The following DNAH6 variants were observed in gnomAD, a reference collection of about 807,000 sequenced individuals.
DNAH6 encodes the protein dynein axonemal heavy chain 6.
Under a neutral mutation model 491.4 loss-of-function variants are expected in DNAH6, and 340 were observed. That is an observed-to-expected ratio of 0.69 (90% confidence interval 0.63 to 0.76). The LOEUF (loss-of-function observed/expected upper bound fraction) is 0.76. Ranked by LOEUF, DNAH6 falls within the 30% of genes least tolerant of loss-of-function variation. The pLI is 0.00. For synonymous variants in DNAH6, 1,603 were observed against 1,686.1 expected (o/e 0.95, Z 1.21); for missense variants, 4,443 against 4,972.2 (o/e 0.89, Z 3.20).
intron 33 of DNAH6, among the ~76,000 whole-genome samples, chr2:84,649,846 T>C (rs546452914): frequency 6.6e-6 from 1 of 152,190 alleles, no homozygotes; most frequent in African/African-American, 2.4e-5. Context: ...AAATGATGGG[T>C]TGATAGGTGC....
chr2:84,593,963 T>C lies in DNAH6; in HGVS notation c.2611-9T>C. 1.3e-6 allele frequency: 2 copies of C among 1,512,812 alleles called. No homozygotes were observed. The highest frequency in any genetic ancestry group is 1.8e-6 in the Non-Finnish European group (2 of 1,117,548). 93.7% of individuals were successfully genotyped at this position (1,512,812 alleles called of 1,614,324 possible). Reference sequence around the variant, plus strand: ...TAAATTACGCATTTTGTTTACTACATTTTTAAAGGTAGAAGTGTCCAAGTT... The same window carrying C: ...TAAATTACGCATTTTGTTTACTACACTTTTAAAGGTAGAAGTGTCCAAGTT... On this transcript the variant is annotated splice_polypyrimidine_tract_variant and intron_variant, in intron 16 of 76. Transcript: ENST00000389394.
Position 84,539,219 on chromosome 2 carries a change from A to C in DNAH6, c.663-5014A>C, listed in dbSNP as rs187232908. Among the ~76,000 whole-genome samples, 292 of 152,188 alleles carry C rather than the reference A, an allele frequency of 1.9e-3. 2 individuals carry two copies. The highest frequency in any genetic ancestry group is 6.7e-3 in the African/African-American group (277 of 41,530). ...TCTGGTTAATCAAACCAGAAATAAA[A>C]CAAGCATTTCTCTTCCCTGGTTTAC... On this transcript the variant is annotated intron_variant, in intron 4 of 76. Transcript: ENST00000389394.
chr2:84,543,091 G>A (rs554521381), intron 4 of DNAH6, among the ~76,000 whole-genome samples: 9 of 152,234 alleles, frequency 5.9e-5, no homozygotes, highest in South Asian at 2.1e-4. Flanking sequence ...CCCGGGAGGC[G>A]GAGGTTGCAG....
At chr2:84,557,638 CAG>C (rs1192019266) in intron 10 of DNAH6, 95 bp from the exon 11 acceptor site, 1 of 235,334 alleles carries the variant, frequency 4.2e-6, no homozygotes, top group Admixed American at 1.4e-4. Flanking sequence ...GCCTGGGCGA[CAG>C]AGCGAGACTC....
chr2:84,621,542 A>T lies in DNAH6; in HGVS notation c.4062A>T (p.Val1354=). ...AGGCCCTGAAGAATTTTGAAAAAGT[A>T]AATTTTGAGGTGAGATCTGTAACAA... ...HIQALKNFEK[V]NFERLNALAA... is the part of the protein sequence containing the mutation. The change falls in exon 26 of 77, where the codon GTA becomes GTT. Residue 1354 remains valine (V), a synonymous_variant. Coordinates refer to ENST00000389394, the MANE Select transcript of DNAH6 (RefSeq NM_001370.2). 1 of 1,518,178 alleles carries T rather than the reference A, an allele frequency of 6.6e-7. No homozygotes were observed. Among genetic ancestry groups the T allele is most frequent in the Non-Finnish European group, 8.9e-7 (1 of 1,121,002 alleles). 94.0% of individuals were successfully genotyped at this position (1,518,178 alleles called of 1,614,324 possible). A position where few individuals can be genotyped will look rare whatever the true frequency, so the allele number is the denominator to read the frequency against.
Position 84,547,561 on chromosome 2 carries a change from T to C in DNAH6, c.1135T>C (p.Leu379=). The C allele has an allele frequency of 6.4e-7, 1 of 1,551,910 alleles. No individual in the cohort carries two copies. The highest frequency in any genetic ancestry group is 8.7e-7 in the Non-Finnish European group (1 of 1,147,006). Residue 379 remains leucine, a synonymous_variant, in exon 7 of 77, where the codon TTG becomes CTG. Transcript: ENST00000389394. The part of the protein sequence containing the change: ...YVVRRACRFA[L]RAAGFVPDDC... ...AGTCAGGAGGGCTTGTCGATTTGCT[T>C]TGCGTGCTGCAGGATTTGTTCCTGA...
At chr2:84,768,716 T>A (rs1432534676) in intron 64 of DNAH6, among the ~76,000 whole-genome samples, 1 of 152,196 alleles carries the variant, frequency 6.6e-6, no homozygotes, top group Non-Finnish European at 1.5e-5. Context: ...GCCATATTTA[T>A]TAAGTGGAAG....
chr2:84,708,610 GGAAA>G (rs935173253), intron 54 of DNAH6, among the ~76,000 whole-genome samples: 1 of 148,606 alleles, frequency 6.7e-6, no homozygotes, highest in Non-Finnish European at 1.5e-5. Context: ...AAGGAAGGAA[GGAAA>G]GAGAGGGAGA....
chr2:84,619,621 T>G (rs1687209084), intron 23 of DNAH6, 64 bp from the exon 24 acceptor site: 9 of 1,424,966 alleles, frequency 6.3e-6, no homozygotes, highest in Non-Finnish European at 8.7e-6. Flanking sequence ...GAATTTATCT[T>G]TTATGTCTGT....
At chr2:84,663,961 C>T (rs2222733) in intron 37 of DNAH6, among the ~76,000 whole-genome samples, 8 of 152,056 alleles carry the variant, frequency 5.3e-5, no homozygotes, top group Non-Finnish European at 8.8e-5. Context: ...TTAAAGAAAG[C>T]AATTTTCAAC....
chr2:84,778,112 C>T (rs544857223), intron 64 of DNAH6: 168 of 791,066 alleles, frequency 2.1e-4, no homozygotes, highest in Non-Finnish European at 3.6e-4. Flanking sequence ...TCAGTTGTGG[C>T]ATGGCACAGG....
Position 84,782,052 on chromosome 2 carries a change from C to T in DNAH6, c.10864+399C>T, listed in dbSNP as rs181867037. On this transcript the variant is annotated intron_variant, in intron 65 of 76. Coordinates refer to ENST00000389394, the MANE Select transcript of DNAH6 (RefSeq NM_001370.2). ...CCAATTCCCTTAGAGTAGTGTTTTA[C>T]CACCTTTTATCTTCTGTAACCCGCA... Among the ~76,000 whole-genome samples the T allele has an allele frequency of 2.8e-3, 421 of 152,276 alleles. 3 individuals carry two copies. Among genetic ancestry groups the T allele is most frequent in the African/African-American group, 9.9e-3 (412 of 41,544 alleles).
At chr2:84,731,331 T>C (rs1392151525) in intron 61 of DNAH6, among the ~76,000 whole-genome samples, 6 of 152,226 alleles carry the variant, frequency 3.9e-5, no homozygotes, top group Non-Finnish European at 7.3e-5. Context: ...TAAGTCCCAG[T>C]TGAGTGTAGC....
At chr2:84,477,305 A>T in the DNAH6 span, among the ~76,000 whole-genome samples, 4 of 152,190 alleles carry the variant, frequency 2.6e-5, no homozygotes, top group Non-Finnish European at 5.9e-5. Flanking sequence ...GAATACAATC[A>T]ATCTAGGAGC....
rs1056392969 is a variant in DNAH6, at chr2:84,808,399, G to A, written c.11612-16G>A. 3.3e-6 allele frequency: 5 copies of A among 1,514,180 alleles called. No individual in the cohort carries two copies. Among genetic ancestry groups the A allele is most frequent in the Admixed American group, 2.3e-5 (1 of 44,166 alleles). 93.8% of individuals were successfully genotyped at this position (1,514,180 alleles called of 1,614,324 possible). ...TCAATGGTGACTGGCCTGAGGAATC[G>A]CTGTGTATGTTTCAGAAAAACTGGA... On this transcript the variant is annotated splice_polypyrimidine_tract_variant and intron_variant, in intron 71 of 76. Coordinates refer to ENST00000389394, the MANE Select transcript of DNAH6 (RefSeq NM_001370.2).
chr2:84,737,719 T>C (rs1221025000), intron 62 of DNAH6, among the ~76,000 whole-genome samples: 2 of 152,022 alleles, frequency 1.3e-5, no homozygotes, highest in Non-Finnish European at 2.9e-5. Context: ...TCTTCTGTAT[T>C]TTTTTCCTTG....
intron 66 of DNAH6, 43 bp from the exon 67 acceptor site, chr2:84,785,567 A>T: frequency 6.8e-7 from 1 of 1,469,212 alleles, no homozygotes; most frequent in Middle Eastern, 1.8e-4. Flanking sequence ...ATGCAAATCT[A>T]TAAAATCACT....
In DNAH6 at chr2:84,705,667, A is replaced by G. The variant is rs547908714; in HGVS notation, c.8647A>G (p.Met2883Val). 3 of 1,551,776 alleles carry G rather than the reference A, an allele frequency of 1.9e-6. No individual in the cohort carries two copies. Among genetic ancestry groups the G allele is most frequent in the Admixed American group, 2.0e-5 (1 of 51,010 alleles). Residue 2883 changes from methionine (M) to valine (V), a missense_variant, in exon 52 of 77, where the codon ATG becomes GTG. Physicochemically the swap from Met to Val is conservative, Grantham distance 21. This residue lies in a region of DNAH6 where 1,463 missense variants were observed against 1,656.6 expected (regional missense o/e 0.88). Transcript: ENST00000389394. ...KVSKACKSMCMWVRAMDLYSR... is the reference protein window; with the variant it reads ...KVSKACKSMCVWVRAMDLYSR... ...GTCCAAAGCATGTAAATCTATGTGC[A>G]TGTGGGTAAGAGCTATGGATTTGTA...
intron 71 of DNAH6, among the ~76,000 whole-genome samples, chr2:84,806,371 G>A (rs1284717370): frequency 6.6e-6 from 1 of 152,176 alleles, no homozygotes; most frequent in Non-Finnish European, 1.5e-5. Context: ...TGTAATCCTA[G>A]CACTTTGGGA....
Sources: gnomAD v4.1 joint callset for allele counts (sites outside exome capture counted in the v4.1 genomes callset) on GRCh38, gnomAD v4.1.1 for gene constraint, gnomAD v4.1.1 regional missense constraint, MANE v1.5 for transcripts, NCBI Gene and HGNC (gene_info 2026-07-23, HGNC 2026-07-21) for gene names.